NOX4: variants seen among roughly 807,000 people sequenced by gnomAD.
NOX4 encodes kidney oxidase-1.
Under a neutral mutation model 87.6 loss-of-function variants are expected in NOX4, and 69 were observed. The observed-to-expected ratio is 0.79, with a 90% confidence interval of 0.65 to 0.96. The LOEUF is 0.96. NOX4 is among the 40% of genes least tolerant of loss of function. The probability of loss-of-function intolerance (pLI) is 0.00; values close to 1 mark genes in which losing one functional copy is unlikely to be tolerated. For missense variants in NOX4, 680 were observed against 681.5 expected, an observed-to-expected ratio of 1.00 and a Z score of 0.02; for synonymous variants, 275 against 238.2, an observed-to-expected ratio of 1.15 and a Z score of -1.42.
At chr11:89,430,929 G>A (rs894522952) in intron 7 of NOX4, among the ~76,000 whole-genome samples, 2 of 152,162 alleles carry the variant, frequency 1.3e-5, no homozygotes, top group Non-Finnish European at 2.9e-5. Context: ...AAAGCTGGAG[G>A]CATCACGCTA....
chr11:89,549,243 C>G, the NOX4 span, among the ~76,000 whole-genome samples: 1 of 152,124 alleles, frequency 6.6e-6, no homozygotes, highest in Admixed American at 6.5e-5. Flanking sequence ...TAGTTGCAGA[C>G]TAAATTCACG....
the NOX4 span, among the ~76,000 whole-genome samples, chr11:89,547,521 C>T: frequency 6.6e-6 from 1 of 152,164 alleles, no homozygotes. Context: ...ATCTACTTCT[C>T]ATAGAGGCTT....
chr11:89,397,255 G>A (rs1447333753), intron 11 of NOX4, among the ~76,000 whole-genome samples: 4 of 152,082 alleles, frequency 2.6e-5, no homozygotes, highest in Non-Finnish European at 5.9e-5. Flanking sequence ...AAATAAAGAT[G>A]TTCTTTGAAA....
chr11:89,456,415 TG>T (rs1176535304), intron 2 of NOX4, among the ~76,000 whole-genome samples: 2 of 152,102 alleles, frequency 1.3e-5, no homozygotes, highest in African/African-American at 4.8e-5. Flanking sequence ...AGACCCAAGA[TG>T]GCCGACTAGA....
chr11:89,507,659 C>A, the NOX4 span, among the ~76,000 whole-genome samples: 1 of 151,838 alleles, frequency 6.6e-6, no homozygotes, highest in African/African-American at 2.4e-5. Context: ...GGTTATTCCA[C>A]TTTAGAATAT....
intron 7 of NOX4, among the ~76,000 whole-genome samples, chr11:89,424,055 A>C (rs529796069): frequency 2.0e-5 from 3 of 152,054 alleles, no homozygotes; most frequent in Non-Finnish European, 2.9e-5. Context: ...CCTGGATGAG[A>C]GAGAAAGACC....
At chr11:89,558,271 C>T in the NOX4 span, among the ~76,000 whole-genome samples, 6 of 152,104 alleles carry the variant, frequency 3.9e-5, no homozygotes, top group Non-Finnish European at 8.8e-5. Context: ...CTTTCTCCAA[C>T]ATGTTTGTAC....
In NOX4 at chr11:89,451,841, G is replaced by A. The variant is rs748780932; in HGVS notation, c.208C>T (p.Leu70Phe). 18 of 1,613,408 alleles carry A rather than the reference G, an allele frequency of 1.1e-5. No individual in the cohort carries two copies. The highest frequency in any genetic ancestry group is 4.5e-5 in the East Asian group (2 of 44,858). ...SASVLNLNCS[L>F]ILLPMCRTLL... ...GTTCGGCACATGGGTAAAAGGATAA[G>A]GCTGCAGTTGAGGTTAAGAACAGAT... The change falls in exon 3 of 18, where the codon CTT becomes TTT. Residue 70 changes from leucine to phenylalanine, a missense_variant. Physicochemically the swap from Leu to Phe is conservative, Grantham distance 22. Coordinates refer to ENST00000263317, the MANE Select transcript of NOX4 (RefSeq NM_016931.5).
chr11:89,326,223 T>C lies in NOX4; in HGVS notation c.*533A>G, dbSNP rs1945215791. 6.6e-6 allele frequency: 1 copy of C among 152,114 alleles called. No individual in the cohort carries two copies. Among genetic ancestry groups the C allele is most frequent in the African/African-American group, 2.4e-5 (1 of 41,444 alleles). The allele number at this position is 152,114 out of a possible 1,614,324, so 9.4% of individuals were successfully genotyped here. A position where few individuals can be genotyped will look rare whatever the true frequency, so the allele number is the denominator to read the frequency against. On this transcript the variant is annotated 3_prime_UTR_variant, in exon 18 of 18. Transcript: ENST00000263317. ...CATAAGTAGTGGAGACGATTAGATA[T>C]TGACACAAAGTACCCGTATCAATAC...
chr11:89,486,601 CATAT>C (rs747716208), intron 2 of NOX4, among the ~76,000 whole-genome samples: 13 of 95,672 alleles, frequency 1.4e-4, no homozygotes, highest in Admixed American at 8.9e-4. Flanking sequence ...TGTATATATA[CATAT>C]ATATGTGTGT....
intron 7 of NOX4, 62 bp downstream of exon 7, chr11:89,432,722 C>T: frequency 2.5e-6 from 3 of 1,217,824 alleles, no homozygotes; most frequent in Non-Finnish European, 3.6e-6. Context: ...ATTTTGATTA[C>T]TCAAGACTTT....
chr11:89,327,403 C>T (rs1034261700), intron 17 of NOX4, among the ~76,000 whole-genome samples: 3 of 152,110 alleles, frequency 2.0e-5, no homozygotes, highest in Non-Finnish European at 4.4e-5. Flanking sequence ...TTTTAAGTGG[C>T]TAATTTATAT....
At chr11:89,530,456 C>T in the NOX4 span, among the ~76,000 whole-genome samples, 1 of 151,006 alleles carries the variant, frequency 6.6e-6, no homozygotes. Flanking sequence ...GATTCTCCTG[C>T]CTCAGCCTCC....
At chr11:89,332,592 C>G (rs1945520095) in intron 17 of NOX4, among the ~76,000 whole-genome samples, 1 of 151,912 alleles carries the variant, frequency 6.6e-6, no homozygotes, top group Non-Finnish European at 1.5e-5. Context: ...AGTTAACATT[C>G]TGCTACAGCA....
chr11:89,504,139 TG>T, the NOX4 span, among the ~76,000 whole-genome samples: 1 of 150,838 alleles, frequency 6.6e-6, no homozygotes, highest in Non-Finnish European at 1.5e-5. Context: ...CAAGGAGGAG[TG>T]GTAGCAGAAG....
chr11:89,345,484 C>T (rs1946177760), intron 13 of NOX4, among the ~76,000 whole-genome samples: 1 of 152,128 alleles, frequency 6.6e-6, no homozygotes, highest in African/African-American at 2.4e-5. Flanking sequence ...CCACAGCTTC[C>T]AGCCAGACAC....
intron 15 of NOX4, among the ~76,000 whole-genome samples, chr11:89,339,732 C>T (rs1945893307): frequency 6.6e-6 from 1 of 152,090 alleles, no homozygotes; most frequent in Non-Finnish European, 1.5e-5. Flanking sequence ...GTATTTCCCT[C>T]CATTGTCTTC....
At chr11:89,525,773 A>G in the NOX4 span, among the ~76,000 whole-genome samples, 6 of 152,214 alleles carry the variant, frequency 3.9e-5, no homozygotes, top group East Asian at 9.7e-4. Context: ...TGTGTGCTAG[A>G]TGAGCAATAT....
intron 8 of NOX4, among the ~76,000 whole-genome samples, chr11:89,409,630 A>G (rs555330300): frequency 9.2e-5 from 14 of 152,300 alleles, no homozygotes; most frequent in African/African-American, 3.1e-4. Flanking sequence ...TTAGTCCATA[A>G]TTACTATAGA....
Sources: gnomAD v4.1 joint callset for allele counts (sites outside exome capture counted in the v4.1 genomes callset) on GRCh38, gnomAD v4.1.1 for gene constraint, MANE v1.5 for transcripts, NCBI Gene and HGNC (gene_info 2026-07-23, HGNC 2026-07-21) for gene names.